SARNP: variants seen among roughly 807,000 people sequenced by gnomAD.
SARNP encodes the protein SAP domain-containing ribonucleoprotein.
In SARNP, 5 loss-of-function variants were observed where a neutral mutation model predicts 38.1. The observed-to-expected ratio is 0.13, with a 90% CI of 0.07 to 0.28. The LOEUF (loss-of-function observed/expected upper bound fraction) is 0.28. SARNP is among the 10% of genes least tolerant of loss of function. The pLI is 1.00. For missense variants in SARNP, 180 were observed against 243.9 expected, an observed-to-expected ratio of 0.74 and a Z score of 1.75; for synonymous variants, 84 against 80.6, an observed-to-expected ratio of 1.04 and a Z score of -0.23.
At position 55,796,018 on chromosome 12, in the gene SARNP, T is replaced by C. The variant is rs1325852099; in HGVS notation, c.303+7A>G. 6 of 1,585,756 alleles carry C rather than the reference T, an allele frequency of 3.8e-6. No homozygotes were observed. Among genetic ancestry groups the C allele is most frequent in the Non-Finnish European group, 4.3e-6 (5 of 1,154,238 alleles). On this transcript the variant is annotated splice_region_variant and intron_variant, in intron 5 of 10. Coordinates refer to ENST00000336133, the MANE Select transcript of SARNP (RefSeq NM_033082.4). ...GAGACTGTTCTACTAGGGAGCAGAA[T>C]ACCTACCTCAGTCTGTGGTATTTCA...
chr12:55,797,955 TG>T (rs1192330980), intron 4 of SARNP, among the ~76,000 whole-genome samples: 2 of 152,238 alleles, frequency 1.3e-5, no homozygotes, highest in Non-Finnish European at 2.9e-5. Flanking sequence ...CTGAACAGAA[TG>T]CACATTTTAA....
intron 9 of SARNP, among the ~76,000 whole-genome samples, chr12:55,763,913 T>C (rs566561313): frequency 6.6e-5 from 10 of 152,338 alleles, no homozygotes; most frequent in African/African-American, 2.2e-4. Flanking sequence ...ATCCACTTTC[T>C]TAGCCTTACC....
At chr12:55,791,715 A>G (rs1008041877) in intron 7 of SARNP, among the ~76,000 whole-genome samples, 1 of 151,918 alleles carries the variant, frequency 6.6e-6, no homozygotes, top group African/African-American at 2.4e-5. Flanking sequence ...AAAAGAAAAA[A>G]AGAGAAAAAA....
chr12:55,817,453 G>A (rs1461070526), intron 1 of SARNP, among the ~76,000 whole-genome samples: 2 of 152,222 alleles, frequency 1.3e-5, no homozygotes, highest in South Asian at 2.1e-4. Flanking sequence ...GAAGGAAGCA[G>A]AAATAACAAA....
chr12:55,783,034 CT>C (rs981259317), intron 9 of SARNP, among the ~76,000 whole-genome samples: 2 of 151,922 alleles, frequency 1.3e-5, no homozygotes, highest in Admixed American at 1.3e-4. Flanking sequence ...TCACTTGACC[CT>C]GGAGGCTGAG....
intron 4 of SARNP, 113 bp downstream of exon 4, chr12:55,800,449 C>A: frequency 2.7e-6 from 2 of 750,510 alleles, no homozygotes; most frequent in East Asian, 2.7e-5. Context: ...ATGACCTAAT[C>A]AGAAAGGAAA....
At chr12:55,799,079 C>G (rs1459622182) in intron 4 of SARNP, among the ~76,000 whole-genome samples, 4 of 152,128 alleles carry the variant, frequency 2.6e-5, no homozygotes, top group Non-Finnish European at 4.4e-5. Flanking sequence ...TCTATATATA[C>G]ACATACATAC....
intron 3 of SARNP, 94 bp from the exon 4 acceptor site, chr12:55,800,723 T>C: frequency 7.8e-7 from 1 of 1,279,966 alleles, no homozygotes; most frequent in Non-Finnish European, 1.1e-6. Flanking sequence ...AACCAGTCTC[T>C]CAGAACCTTC....
At chr12:55,769,256 T>C (rs1003835659) in intron 9 of SARNP, among the ~76,000 whole-genome samples, 5 of 152,192 alleles carry the variant, frequency 3.3e-5, no homozygotes, top group Non-Finnish European at 7.3e-5. Context: ...TTCAATAGCA[T>C]TGTAGCCATA....
At chr12:55,754,672 G>A (rs1167521495), downstream of SARNP, 2 of 152,178 alleles carry the variant, frequency 1.3e-5, no homozygotes, top group Non-Finnish European at 2.9e-5. Flanking sequence ...TGATCACCCA[G>A]TAAAAGCTAA....
intron 9 of SARNP, among the ~76,000 whole-genome samples, chr12:55,783,603 G>A (rs548404873): frequency 6.6e-6 from 1 of 152,214 alleles, no homozygotes; most frequent in African/African-American, 2.4e-5. Context: ...GGGAGGAGGT[G>A]GGAGAGAGAT....
downstream of SARNP, chr12:55,756,577 T>C (rs983598694): frequency 2.4e-4 from 37 of 152,156 alleles, no homozygotes; most frequent in African/African-American, 7.7e-4. Flanking sequence ...TTACCAAAAA[T>C]AGCTCAAACA....
intron 5 of SARNP, among the ~76,000 whole-genome samples, chr12:55,795,746 T>C (rs1180723818): frequency 6.6e-6 from 1 of 152,142 alleles, no homozygotes; most frequent in Non-Finnish European, 1.5e-5. Context: ...CAAGGTACAA[T>C]CCTCCTAAAT....
At chr12:55,763,196 T>G (rs1002069543) in intron 9 of SARNP, among the ~76,000 whole-genome samples, 4 of 152,184 alleles carry the variant, frequency 2.6e-5, no homozygotes, top group Non-Finnish European at 4.4e-5. Flanking sequence ...AGTATTCTTG[T>G]CCTTAATAAT....
At chr12:55,790,720 T>G (rs1237372771) in intron 7 of SARNP, 128 bp from the exon 8 acceptor site, 1 of 930,238 alleles carries the variant, frequency 1.1e-6, no homozygotes, top group South Asian at 2.2e-5. Flanking sequence ...AGAAATTGCA[T>G]GTAGCGATCA....
chr12:55,788,571 T>G (rs1137896), intron 9 of SARNP, among the ~76,000 whole-genome samples: 1 of 152,028 alleles, frequency 6.6e-6, no homozygotes, highest in African/African-American at 2.4e-5. Context: ...CAGAAGTGGG[T>G]GGATCCCTTA....
chr12:55,803,621 G>A lies in SARNP; in HGVS notation c.136+8C>T, dbSNP rs1400133995. On this transcript the variant is annotated splice_region_variant and intron_variant, in intron 2 of 10. Coordinates refer to ENST00000336133, the MANE Select transcript of SARNP (RefSeq NM_033082.4). The stretch of plus-strand genomic sequence containing the variant: ...ACTCACATCACTCCGCCTCCACAAA[G>A]TACTCACCATGTTCTTCAAGATATG... The A allele has an allele frequency of 2.5e-6, 4 of 1,575,354 alleles. No homozygotes were observed. The highest frequency in any genetic ancestry group is 2.3e-5 in the East Asian group (1 of 44,422).
At chr12:55,801,457 A>C (rs1204504524) in intron 2 of SARNP, among the ~76,000 whole-genome samples, 1 of 152,128 alleles carries the variant, frequency 6.6e-6, no homozygotes, top group Non-Finnish European at 1.5e-5. Context: ...AACAAACAAA[A>C]AAAGTATGTG....
intron 9 of SARNP, among the ~76,000 whole-genome samples, chr12:55,775,669 T>C (rs1471892116): frequency 6.6e-6 from 1 of 152,058 alleles, no homozygotes; most frequent in Non-Finnish European, 1.5e-5. Flanking sequence ...ATGGGGTCTT[T>C]GCTAATTTAC....
Sources: allele counts gnomAD v4.1 joint callset (sites outside exome capture counted in the v4.1 genomes callset), GRCh38; gene constraint gnomAD v4.1.1; transcripts MANE v1.5; gene names NCBI Gene and HGNC (gene_info 2026-07-23, HGNC 2026-07-21).